Variants in LDLRAD4 observed in about 807,000 individuals in gnomAD.
LDLRAD4 encodes low-density lipoprotein receptor class A domain-containing protein 4.
Under a neutral mutation model 17.0 loss-of-function variants are expected in LDLRAD4, and 5 were observed. The ratio of observed to expected loss-of-function variants is 0.29; its 90% CI spans 0.15 to 0.62. The LOEUF is 0.62. LDLRAD4 is among the 20% of genes least tolerant of loss of function. The probability of loss-of-function intolerance (pLI) is 0.84; values close to 1 mark genes in which losing one functional copy is unlikely to be tolerated. For missense variants in LDLRAD4, 340 were observed against 424.7 expected (o/e 0.80, Z 1.75); for synonymous variants, 168 against 171.8 (o/e 0.98, Z 0.17).
chr18:13,356,866 G>C lies in LDLRAD4; in HGVS notation c.-382-30475G>C, dbSNP rs558442708. 5.3e-5 allele frequency among the ~76,000 whole-genome samples: 8 copies of C among 152,348 alleles called. No homozygotes were observed. The East Asian group carries it at 1.5e-3, about 29-fold the overall frequency. ...AATGTCTTTTAGGTCAGGCGCATTG[G>C]CTCACGCCTGTAATCCCAGCACTTT... On this transcript the variant is annotated intron_variant, in intron 1 of 5. Coordinates refer to ENST00000359446, the Ensembl canonical transcript of LDLRAD4.
chr18:13,460,079 T>C (rs59719495), intron 3 of LDLRAD4: 36,615 of 154,052 alleles, frequency 0.24, 4,836 homozygotes, highest in East Asian at 0.37. Context: ...TCCAGCTTCC[T>C]TTTGAAGAGG....
chr18:13,564,511 C>G (rs1445048900), intron 3 of LDLRAD4, among the ~76,000 whole-genome samples: 1 of 151,128 alleles, frequency 6.6e-6, no homozygotes, highest in Non-Finnish European at 1.5e-5. Flanking sequence ...CCTTTCCTCG[C>G]CTCACCTGCT....
At chr18:13,366,773 G>A (rs2084088416) in intron 1 of LDLRAD4, among the ~76,000 whole-genome samples, 1 of 152,212 alleles carries the variant, frequency 6.6e-6, no homozygotes, top group Non-Finnish European at 1.5e-5. Context: ...CCACGGGCCA[G>A]TGGCTTCTCT....
rs192126056 is a variant in LDLRAD4, at chr18:13,621,571, C to T, written c.336+300C>T. ...CTTCTGAGCTGTGCACGAACGGGAC[C>T]GGCCCTGGGTGGTCCCTCGTGCCTG... On this transcript the variant is annotated intron_variant, in intron 4 of 5. Transcript: ENST00000359446. This position sits in a 1 kb window ranked among gnomAD's most constrained non-coding sequence, Gnocchi z 5.5. Among the ~76,000 whole-genome samples the T allele has an allele frequency of 1.2e-3, 177 of 152,304 alleles. 1 individual carries two copies. The highest frequency in any genetic ancestry group is 0.011 in the Admixed American group (173 of 15,296).
chr18:13,317,395 A>ATT (rs200114651), intron 1 of LDLRAD4, among the ~76,000 whole-genome samples: 6 of 152,178 alleles, frequency 3.9e-5, no homozygotes, highest in Non-Finnish European at 7.3e-5. Flanking sequence ...TATTCAGATG[A>ATT]TTTTTTTACT....
intron 3 of LDLRAD4, among the ~76,000 whole-genome samples, chr18:13,529,036 G>T (rs1304520493): frequency 6.6e-6 from 1 of 152,240 alleles, no homozygotes; most frequent in African/African-American, 2.4e-5. Flanking sequence ...TGGCCCAACT[G>T]ATGTCAGAAT....
At chr18:13,527,634 G>A (rs1231631675) in intron 3 of LDLRAD4, among the ~76,000 whole-genome samples, 1 of 152,224 alleles carries the variant, frequency 6.6e-6, no homozygotes, top group Non-Finnish European at 1.5e-5. Context: ...TTAGGACTCG[G>A]CCACATGCAT....
chr18:13,469,670 C>T (rs1473517797), intron 3 of LDLRAD4, among the ~76,000 whole-genome samples: 2 of 152,156 alleles, frequency 1.3e-5, no homozygotes, highest in East Asian at 1.9e-4. Context: ...ATCTAGCATA[C>T]ACAAGGTCAG....
At chr18:13,636,618 C>T (rs958523861) in intron 4 of LDLRAD4, among the ~76,000 whole-genome samples, 2 of 152,110 alleles carry the variant, frequency 1.3e-5, no homozygotes, top group Non-Finnish European at 2.9e-5. Flanking sequence ...GCCTCAGCCT[C>T]CTGAGTAGCT....
At chr18:13,640,916 C>T (rs113312152) in intron 4 of LDLRAD4, among the ~76,000 whole-genome samples, 5 of 152,300 alleles carry the variant, frequency 3.3e-5, no homozygotes, top group African/African-American at 7.2e-5. Context: ...ATGTGTGTCA[C>T]GCATGTAGGT....
intron 1 of LDLRAD4, among the ~76,000 whole-genome samples, chr18:13,226,203 T>TTTTTTTTTTTTTTTTTG (rs2041794563): frequency 6.9e-6 from 1 of 144,806 alleles, no homozygotes; most frequent in Non-Finnish European, 1.5e-5. Flanking sequence ...TTTTTTTTTG[T>TTTTTTTTTTTTTTTTTG]AGAGACCGGG....
chr18:13,261,447 G>A (rs971850690), intron 1 of LDLRAD4, among the ~76,000 whole-genome samples: 2 of 152,172 alleles, frequency 1.3e-5, no homozygotes, highest in African/African-American at 4.8e-5. Flanking sequence ...CTGGGACAGA[G>A]CGATTTCAGC....
At chr18:13,386,619 C>T (rs1365069853) in intron 1 of LDLRAD4, among the ~76,000 whole-genome samples, 1 of 152,208 alleles carries the variant, frequency 6.6e-6, no homozygotes, top group Non-Finnish European at 1.5e-5. Flanking sequence ...ATCCTCCCGC[C>T]TCGGCCTCCC....
chr18:13,387,863 C>T, intron 2 of LDLRAD4, 101 bp downstream of exon 3: 2 of 1,023,770 alleles, frequency 2.0e-6, no homozygotes, highest in South Asian at 2.6e-5. Flanking sequence ...CAGTCAGGAG[C>T]TGAAGGCCAA....
intron 1 of LDLRAD4, among the ~76,000 whole-genome samples, chr18:13,321,177 G>A (rs1413630899): frequency 6.6e-6 from 1 of 152,128 alleles, no homozygotes; most frequent in Admixed American, 6.5e-5. Flanking sequence ...CAGACAGGCT[G>A]CCTGCTGCAG....
At chr18:13,315,415 G>A (rs1042277282) in intron 1 of LDLRAD4, among the ~76,000 whole-genome samples, 1 of 152,148 alleles carries the variant, frequency 6.6e-6, no homozygotes, top group African/African-American at 2.4e-5. Context: ...TGTAGTTTTT[G>A]GACTAATGAG....
chr18:13,457,775 C>G (rs536880214), intron 3 of LDLRAD4, among the ~76,000 whole-genome samples: 7 of 152,274 alleles, frequency 4.6e-5, no homozygotes, highest in Non-Finnish European at 7.4e-5. Context: ...GGCGGCTCCC[C>G]CTGCCTCGCT....
chr18:13,432,212 TAAG>T (rs778880504), intron 2 of LDLRAD4, among the ~76,000 whole-genome samples: 39 of 152,372 alleles, frequency 2.6e-4, no homozygotes, highest in Non-Finnish European at 4.7e-4. Flanking sequence ...AGCTGACGTT[TAAG>T]AAGAATCGCC....
At chr18:13,296,593 T>TTA (rs1555639810) in intron 1 of LDLRAD4, among the ~76,000 whole-genome samples, 49 of 149,240 alleles carry the variant, frequency 3.3e-4, no homozygotes, top group South Asian at 2.5e-3. Context: ...TTTTTTTTTT[T>TTA]AAAGAACTCT....
Sources: allele counts gnomAD v4.1 joint callset (sites outside exome capture counted in the v4.1 genomes callset), GRCh38; gene constraint gnomAD v4.1.1; non-coding constraint Gnocchi (gnomAD v3.1); transcripts MANE v1.5; gene names NCBI Gene and HGNC (gene_info 2026-07-23, HGNC 2026-07-21).